CNTN5: variants seen among roughly 807,000 people sequenced by gnomAD.
CNTN5 encodes contactin-5.
A neutral mutation model predicts 129.1 loss-of-function variants in CNTN5; 77 were observed. The observed-to-expected ratio is 0.60, with a 90% CI of 0.50 to 0.72. The LOEUF is 0.72. Among genes scored for constraint, CNTN5 ranks in the 30% least tolerant of loss-of-function variants. The probability of loss-of-function intolerance (pLI) is 0.00; values close to 1 mark genes in which losing one functional copy is unlikely to be tolerated. For missense variants in CNTN5, 1,478 were observed against 1,328.8 expected, an observed-to-expected ratio of 1.11 and a Z score of -1.75; for synonymous variants, 509 against 465.6, an observed-to-expected ratio of 1.09 and a Z score of -1.20.
At chr11:99,549,090 TCC>T (rs1491367278) in intron 2 of CNTN5, among the ~76,000 whole-genome samples, 8 of 87,786 alleles carry the variant, frequency 9.1e-5, no homozygotes, top group African/African-American at 2.9e-4. Flanking sequence ...TGGTGTCAAT[TCC>T]TTTTTTTTTT....
chr11:99,845,064 T>C (rs773113072), intron 5 of CNTN5, 23 bp from the exon 6 acceptor site: 2 of 1,612,262 alleles, frequency 1.2e-6, no homozygotes, highest in South Asian at 1.1e-5. Context: ...TTATACATAT[T>C]TGTCTTCTGA....
At chr11:100,257,418 C>T (rs527753243) in intron 17 of CNTN5, among the ~76,000 whole-genome samples, 19 of 152,316 alleles carry the variant, frequency 1.2e-4, no homozygotes, top group African/African-American at 3.1e-4. Flanking sequence ...GATCTCCCAG[C>T]GCAGCGCTCA....
intron 1 of CNTN5, among the ~76,000 whole-genome samples, chr11:99,225,682 A>G (rs754645890): frequency 6.6e-6 from 1 of 152,142 alleles, no homozygotes. Flanking sequence ...TGATGAAGCT[A>G]TAGTTACTTT....
chr11:99,306,040 G>T (rs1437515531), intron 1 of CNTN5, among the ~76,000 whole-genome samples: 1 of 151,940 alleles, frequency 6.6e-6, no homozygotes, highest in African/African-American at 2.4e-5. Flanking sequence ...CTATGAGAAA[G>T]ATACATTGAA....
At chr11:99,561,422 C>A (rs1948839351) in intron 3 of CNTN5, among the ~76,000 whole-genome samples, 1 of 152,038 alleles carries the variant, frequency 6.6e-6, no homozygotes, top group African/African-American at 2.4e-5. Context: ...ATTGATCAAT[C>A]TTTATGTAGA....
intron 8 of CNTN5, among the ~76,000 whole-genome samples, chr11:99,980,139 A>C (rs1305442068): frequency 6.6e-6 from 1 of 152,236 alleles, no homozygotes; most frequent in Non-Finnish European, 1.5e-5. Flanking sequence ...CTGGAACTTA[A>C]GAAAGTTTTT....
intron 6 of CNTN5, among the ~76,000 whole-genome samples, chr11:99,872,730 G>A (rs190600476): frequency 1.3e-5 from 2 of 152,078 alleles, no homozygotes; most frequent in East Asian, 1.9e-4. Flanking sequence ...AAAAGCATAA[G>A]CACAAGATGG....
chr11:99,395,370 C>T (rs1591621106), intron 2 of CNTN5, among the ~76,000 whole-genome samples: 1 of 151,736 alleles, frequency 6.6e-6, no homozygotes, highest in Admixed American at 6.6e-5. Flanking sequence ...GTCCTTTACT[C>T]ATTTTTGAAT....
At chr11:99,850,959 A>G (rs1260291324) in intron 6 of CNTN5, among the ~76,000 whole-genome samples, 1 of 152,158 alleles carries the variant, frequency 6.6e-6, no homozygotes, top group Non-Finnish European at 1.5e-5. Context: ...AAAGCCAAAA[A>G]TTTCCTTAAC....
At chr11:100,003,790 A>G (rs1300853166) in intron 9 of CNTN5, 1 of 152,130 alleles carries the variant, frequency 6.6e-6, no homozygotes, top group African/African-American at 2.4e-5. Context: ...TTTGCTACCC[A>G]ACTCTCAAAA....
At chr11:100,032,403 G>A (rs1479563452) in intron 9 of CNTN5, among the ~76,000 whole-genome samples, 1 of 151,822 alleles carries the variant, frequency 6.6e-6, no homozygotes, top group Non-Finnish European at 1.5e-5. Flanking sequence ...AACAGGAGGT[G>A]ATTCAAAAAA....
rs571142572 is a variant in CNTN5, at chr11:99,786,748, A to G, written c.56-32796A>G. 3.0e-4 allele frequency among the ~76,000 whole-genome samples: 46 copies of G among 152,318 alleles called. No individual in the cohort carries two copies. The South Asian group carries it at 8.9e-3, about 29-fold the overall frequency. ...TTGACAAACCTGACCAAAACCAGAA[A>G]TGGAGAAAGGATTCCCTATTTAGTA... is the stretch of plus-strand genomic sequence containing the variant. On this transcript the variant is annotated intron_variant, in intron 3 of 24. Coordinates refer to ENST00000524871, the MANE Select transcript of CNTN5 (RefSeq NM_014361.4).
At chr11:99,781,464 G>T (rs908741225) in intron 3 of CNTN5, among the ~76,000 whole-genome samples, 8 of 152,014 alleles carry the variant, frequency 5.3e-5, no homozygotes, top group African/African-American at 1.9e-4. Flanking sequence ...GTGATATATT[G>T]AAGTTAGCAT....
intron 2 of CNTN5, among the ~76,000 whole-genome samples, chr11:99,406,505 G>T (rs1050367495): frequency 2.0e-5 from 3 of 151,974 alleles, no homozygotes; most frequent in African/African-American, 7.2e-5. Flanking sequence ...CAGATCTTAA[G>T]CCAGCACGGT....
intron 1 of CNTN5, among the ~76,000 whole-genome samples, chr11:99,194,180 ATAAATTT>A: frequency 6.6e-6 from 1 of 152,180 alleles, no homozygotes; most frequent in Non-Finnish European, 1.5e-5. Context: ...CAAAGCATAG[ATAAATTT>A]TTTCAGAATA....
At chr11:99,560,236 A>T (rs1948796036) in intron 3 of CNTN5, among the ~76,000 whole-genome samples, 1 of 151,092 alleles carries the variant, frequency 6.6e-6, no homozygotes, top group African/African-American at 2.4e-5. Context: ...GGATCTGAGG[A>T]CAAAAAGCAG....
At chr11:99,193,694 A>G (rs1306172794) in intron 1 of CNTN5, among the ~76,000 whole-genome samples, 1 of 152,162 alleles carries the variant, frequency 6.6e-6, no homozygotes, top group Admixed American at 6.6e-5. Context: ...CCTGAGATGA[A>G]AAAACAACCC....
chr11:100,217,255 G>A (rs762845475), intron 15 of CNTN5, among the ~76,000 whole-genome samples: 2 of 152,040 alleles, frequency 1.3e-5, no homozygotes, highest in Non-Finnish European at 2.9e-5. Flanking sequence ...TTTTATGCCA[G>A]CTTCTTTTAA....
chr11:99,110,649 G>T (rs905101751), intron 1 of CNTN5, among the ~76,000 whole-genome samples: 2 of 151,990 alleles, frequency 1.3e-5, no homozygotes, highest in Non-Finnish European at 2.9e-5. Flanking sequence ...TCATTCACTC[G>T]TCAGCAGATA....
Sources: allele counts gnomAD v4.1 joint callset (sites outside exome capture counted in the v4.1 genomes callset), GRCh38; gene constraint gnomAD v4.1.1; transcripts MANE v1.5; gene names NCBI Gene and HGNC (gene_info 2026-07-23, HGNC 2026-07-21).